Variants in NKAIN1 observed in about 807,000 individuals in gnomAD.
The protein encoded by NKAIN1 is sodium/potassium-transporting ATPase subunit beta-1-interacting protein 1.
Under a neutral mutation model 31.6 loss-of-function variants are expected in NKAIN1, and 13 were observed. The ratio of observed to expected loss-of-function variants is 0.41; its 90% CI spans 0.27 to 0.65. The LOEUF (loss-of-function observed/expected upper bound fraction) is 0.65, where lower values mean the gene tolerates loss of function less well. NKAIN1 is among the 30% of genes least tolerant of loss of function. The pLI is 0.30. For missense variants in NKAIN1, 193 were observed against 262.2 expected, an observed-to-expected ratio of 0.74 and a Z score of 1.82; for synonymous variants, 104 against 109.0, an observed-to-expected ratio of 0.95 and a Z score of 0.28.
intron 1 of NKAIN1, among the ~76,000 whole-genome samples, chr1:31,212,179 G>T (rs923232453): frequency 1.3e-5 from 2 of 152,004 alleles, no homozygotes; most frequent in Non-Finnish European, 2.9e-5. Flanking sequence ...TTCAACAAGG[G>T]TGCCAAGACT....
Position 31,217,804 on chromosome 1 carries a change from C to T in NKAIN1, c.54+21690G>A, listed in dbSNP as rs371418538. Among the ~76,000 whole-genome samples, 7 of 152,292 alleles carry T rather than the reference C, an allele frequency of 4.6e-5. No homozygotes were observed. The South Asian group carries it at 1.0e-3, about 23-fold the overall frequency. On this transcript the variant is annotated intron_variant, in intron 1 of 6. Transcript: ENST00000373736. ...GGAGACAGGAGTTGGACCTAACAGG[C>T]CCCACTGTGTCCCTGGGGTTCTGTG...
At chr1:31,231,685 C>A (rs1328007215) in intron 1 of NKAIN1, among the ~76,000 whole-genome samples, 2 of 106,120 alleles carry the variant, frequency 1.9e-5, no homozygotes, top group South Asian at 8.0e-4. Flanking sequence ...CGCCCGCCAC[C>A]ACGCCCGGCT....
intron 1 of NKAIN1, among the ~76,000 whole-genome samples, chr1:31,219,635 C>T (rs564623680): frequency 4.4e-4 from 67 of 152,370 alleles, no homozygotes; most frequent in South Asian, 2.7e-3. Flanking sequence ...TCCCCTGTAG[C>T]GGGGCTGTGG....
chr1:31,184,041 G>C (rs1442731637), intron 3 of NKAIN1, 27 bp from the exon 4 acceptor site: 3 of 1,596,932 alleles, frequency 1.9e-6, no homozygotes, highest in Non-Finnish European at 2.6e-6. Context: ...CTGGGATACT[G>C]AGTGTGAGGG....
intron 1 of NKAIN1, among the ~76,000 whole-genome samples, chr1:31,214,633 G>A (rs1645496721): frequency 6.6e-6 from 1 of 152,188 alleles, no homozygotes. Context: ...GTGCTCTGAA[G>A]GAAGGGTGCC....
chr1:31,192,913 C>T (rs1009018835), intron 1 of NKAIN1, among the ~76,000 whole-genome samples: 1 of 151,206 alleles, frequency 6.6e-6, no homozygotes, highest in African/African-American at 2.4e-5. Context: ...TGCCTGTAAT[C>T]CCAACACTTT....
rs1645190943 is a variant in NKAIN1 at position 31,180,711 on chromosome 1, T to G, written c.*992A>C. ...CCTGGAAGGGGGTGGAGTGACTGAG[T>G]TGGGGCCCCACTTTCCTGGAGGAGA... is the stretch of plus-strand genomic sequence containing the variant. On this transcript the variant is annotated 3_prime_UTR_variant, in exon 7 of 7. Coordinates refer to ENST00000373736, the MANE Select transcript of NKAIN1 (RefSeq NM_024522.3). 6.6e-6 allele frequency: 1 copy of G among 152,110 alleles called. No homozygotes were observed. The highest frequency in any genetic ancestry group is 6.6e-5 in the Admixed American group (1 of 15,208). The allele number at this position is 152,110 out of a possible 1,614,324, so 9.4% of individuals were successfully genotyped here. A position where few individuals can be genotyped will look rare whatever the true frequency, so the allele number is the denominator to read the frequency against.
At position 31,211,746 on chromosome 1, in the gene NKAIN1, G is replaced by A. The variant is rs552703985; in HGVS notation, c.55-23559C>T. 7.9e-5 allele frequency among the ~76,000 whole-genome samples: 12 copies of A among 152,138 alleles called. No homozygotes were observed. The South Asian group carries it at 1.5e-3, about 18-fold the overall frequency. On this transcript the variant is annotated intron_variant, in intron 1 of 6. Transcript: ENST00000373736. ...GGTGGATTGCTTGAGTTCGAGTCCAGCCTGGCTAACATAGTGAAATTTCGT... is the reference window on the plus strand; with the variant it reads ...GGTGGATTGCTTGAGTTCGAGTCCAACCTGGCTAACATAGTGAAATTTCGT...
chr1:31,201,039 G>A (rs893908552), intron 1 of NKAIN1, among the ~76,000 whole-genome samples: 2 of 151,936 alleles, frequency 1.3e-5, no homozygotes, highest in Admixed American at 1.3e-4. Context: ...TGCCATCTTG[G>A]TCAGGCTCAC....
At chr1:31,232,099 T>C (rs1645654513) in intron 1 of NKAIN1, among the ~76,000 whole-genome samples, 1 of 150,082 alleles carries the variant, frequency 6.7e-6, no homozygotes, top group South Asian at 2.1e-4. Flanking sequence ...CTTTTTGTTT[T>C]TCTTTTTTTG....
At chr1:31,228,751 G>A (rs1441089077) in intron 1 of NKAIN1, among the ~76,000 whole-genome samples, 5 of 152,072 alleles carry the variant, frequency 3.3e-5, no homozygotes, top group African/African-American at 1.2e-4. Context: ...GCACCACCAT[G>A]GCCAGCTAAT....
chr1:31,202,975 T>TAAAAA (rs34702847), intron 1 of NKAIN1, among the ~76,000 whole-genome samples: 1 of 104,706 alleles, frequency 9.6e-6, no homozygotes, highest in Non-Finnish European at 1.8e-5. Flanking sequence ...GATTCCGTCT[T>TAAAAA]AAAAAAAAAA....
intron 1 of NKAIN1, among the ~76,000 whole-genome samples, chr1:31,198,777 G>A (rs1188876356): frequency 1.4e-5 from 2 of 139,612 alleles, no homozygotes; most frequent in East Asian, 2.4e-4. Flanking sequence ...GGGGGATGCC[G>A]TTGCCATAGG....
chr1:31,231,334 CTTT>C (rs34019998), intron 1 of NKAIN1, among the ~76,000 whole-genome samples: 1 of 123,626 alleles, frequency 8.1e-6, no homozygotes, highest in Non-Finnish European at 1.6e-5. Flanking sequence ...CCTTATTCTA[CTTT>C]TTTTTTTTTT....
intron 1 of NKAIN1, among the ~76,000 whole-genome samples, chr1:31,199,998 C>G (rs2148354681): frequency 7.4e-6 from 1 of 134,570 alleles, no homozygotes; most frequent in East Asian, 2.1e-4. Context: ...CGAACACACA[C>G]ACACGCACAC....
intron 2 of NKAIN1, among the ~76,000 whole-genome samples, chr1:31,187,809 T>A (rs1216414401): frequency 1.3e-5 from 2 of 151,326 alleles, no homozygotes; most frequent in African/African-American, 4.9e-5. Context: ...ACTCACTACA[T>A]GATCCATTTT....
chr1:31,200,328 A>C (rs1244902061), intron 1 of NKAIN1, among the ~76,000 whole-genome samples: 1 of 152,314 alleles, frequency 6.6e-6, no homozygotes. Flanking sequence ...GAGTTATCTC[A>C]TAACAATAAA....
chr1:31,232,761 G>A (rs1177160745), intron 1 of NKAIN1, among the ~76,000 whole-genome samples: 2 of 151,968 alleles, frequency 1.3e-5, no homozygotes, highest in African/African-American at 4.8e-5. Flanking sequence ...AGTGATCAGA[G>A]CTGACTATCT....
At chr1:31,204,024 A>G (rs377376515) in intron 1 of NKAIN1, among the ~76,000 whole-genome samples, 1 of 152,134 alleles carries the variant, frequency 6.6e-6, no homozygotes, top group Non-Finnish European at 1.5e-5. Context: ...TGTGCCTGAG[A>G]CCATGGGGTT....
Sources: allele counts gnomAD v4.1 joint callset (sites outside exome capture counted in the v4.1 genomes callset), GRCh38; gene constraint gnomAD v4.1.1; transcripts MANE v1.5; gene names NCBI Gene and HGNC (gene_info 2026-07-23, HGNC 2026-07-21).